The following OSBPL5 variants were observed in gnomAD, a reference collection of about 807,000 sequenced individuals.
OSBPL5 encodes the protein oxysterol binding protein like 5.
OSBPL5 carries 71 observed loss-of-function variants against 111.2 expected under a neutral mutation model. The ratio of observed to expected loss-of-function variants is 0.64; its 90% confidence interval spans 0.53 to 0.78. OSBPL5 has a LOEUF of 0.78. OSBPL5 is among the 30% of genes least tolerant of loss of function. The pLI is 0.00. For missense variants in OSBPL5, 1,210 were observed against 1,189.3 expected (o/e 1.02, Z -0.26); for synonymous variants, 549 against 513.9 (o/e 1.07, Z -0.93).
At position 3,093,785 on chromosome 11, in the gene OSBPL5, C is replaced by G; in HGVS notation, c.1770G>C (p.Thr590=). 9.3e-6 allele frequency: 15 copies of G among 1,613,198 alleles called. No individual in the cohort carries two copies. Among genetic ancestry groups the G allele is most frequent in the Non-Finnish European group, 1.3e-5 (15 of 1,180,008 alleles). The part of the protein sequence containing the change: ...TSINQISGKI[T]SGEEVLASLS... Reference sequence around the variant, plus strand: ...GGCTCGCCAGGACTTCCTCTCCCGACGTGATCTTTCCCGAGATCTGGTTGA... The same window carrying G: ...GGCTCGCCAGGACTTCCTCTCCCGAGGTGATCTTTCCCGAGATCTGGTTGA... Residue 590 remains threonine (T), a synonymous_variant, in exon 16 of 22, where the codon ACG becomes ACC. Transcript: ENST00000263650.
chr11:3,094,776 C>T lies in OSBPL5; in HGVS notation c.1622-442G>A, dbSNP rs183063491. 3.5e-4 allele frequency: 57 copies of T among 161,798 alleles called. No homozygotes were observed. The South Asian group carries it at 5.2e-3, about 15-fold the overall frequency. The allele number at this position is 161,798 out of a possible 1,614,324, so 10.0% of individuals were successfully genotyped here. On this transcript the variant is annotated intron_variant, in intron 14 of 21. Coordinates refer to ENST00000263650, the MANE Select transcript of OSBPL5 (RefSeq NM_020896.4). ...GGGCTCCTGAGGGCAGGCATCTTCT[C>T]GCTCACTGCTGCGTCCCAGGATGGC...
Position 3,101,676 on chromosome 11 carries a change from A to G in OSBPL5, c.1449T>C (p.Ser483=). The G allele has an allele frequency of 6.2e-7, 1 of 1,613,872 alleles. No homozygotes were observed. Among genetic ancestry groups the G allele is most frequent in the Non-Finnish European group, 8.5e-7 (1 of 1,179,974 alleles). The change falls in exon 13 of 22, where the codon TCT becomes TCC. Residue 483 remains serine, a synonymous_variant. Coordinates refer to ENST00000263650, the MANE Select transcript of OSBPL5 (RefSeq NM_020896.4). Reference sequence around the variant, plus strand: ...CCTTCCGGTTGCTGACGTGGAAGGCAGACACGGGCGGGTGGTGGGACACCT... The same window carrying G: ...CCTTCCGGTTGCTGACGTGGAAGGCGGACACGGGCGGGTGGTGGGACACCT... The part of the protein sequence containing the change: ...AEQVSHHPPV[S]AFHVSNRKDG...
chr11:3,133,123 G>A (rs529849030), intron 1 of OSBPL5, among the ~76,000 whole-genome samples: 22 of 152,338 alleles, frequency 1.4e-4, no homozygotes, highest in African/African-American at 2.9e-4. Flanking sequence ...CCCATCCCCC[G>A]GCCATCTGCC....
At chr11:3,097,185 C>T (rs74659257) in intron 14 of OSBPL5, among the ~76,000 whole-genome samples, 19,928 of 141,932 alleles carry the variant, frequency 0.14, 1,501 homozygotes, top group South Asian at 0.25. Flanking sequence ...GGGCATTTGT[C>T]GATCTGAGAT....
chr11:3,091,653 A>G (rs910533531), intron 19 of OSBPL5, among the ~76,000 whole-genome samples: 2 of 152,114 alleles, frequency 1.3e-5, no homozygotes, highest in Non-Finnish European at 2.9e-5. Context: ...TGCTGCAGAC[A>G]TAGGGGGTGC....
intron 6 of OSBPL5, 69 bp downstream of exon 6, chr11:3,120,352 C>T (rs1362032880): frequency 6.5e-7 from 1 of 1,534,464 alleles, no homozygotes; most frequent in Admixed American, 2.0e-5. Flanking sequence ...CCACCCTCCA[C>T]CAGGGCCCTA....
rs1857860142 is a variant in OSBPL5, at chr11:3,110,021, G to A, written c.692-2076C>T. ...GTTATCCACCTCACCCAGGAGCACA[G>A]AGGCTGTGGGCTGCCCTGGCCATCC... On this transcript the variant is annotated intron_variant, in intron 7 of 21. Coordinates refer to ENST00000263650, the MANE Select transcript of OSBPL5 (RefSeq NM_020896.4). This position sits in a 1 kb window ranked among gnomAD's most constrained non-coding sequence, Gnocchi z 5.3. Among the ~76,000 whole-genome samples, 1 of 152,178 alleles carries A rather than the reference G, an allele frequency of 6.6e-6. No individual in the cohort carries two copies. Among genetic ancestry groups the A allele is most frequent in the Admixed American group, 6.5e-5 (1 of 15,282 alleles).
chr11:3,150,596 G>A (rs1846549054), intron 1 of OSBPL5, among the ~76,000 whole-genome samples: 1 of 152,200 alleles, frequency 6.6e-6, no homozygotes, highest in South Asian at 2.1e-4. Context: ...GCGGCCTGTG[G>A]TGTCGTGAGA....
chr11:3,117,585 C>G (rs1858256200), intron 7 of OSBPL5, among the ~76,000 whole-genome samples: 1 of 152,148 alleles, frequency 6.6e-6, no homozygotes, highest in African/African-American at 2.4e-5. Flanking sequence ...AAATGGGAAA[C>G]TGGAGAGAAA....
chr11:3,134,415 A>C (rs1039748201), intron 1 of OSBPL5, among the ~76,000 whole-genome samples: 1 of 152,072 alleles, frequency 6.6e-6, no homozygotes, highest in Non-Finnish European at 1.5e-5. Flanking sequence ...TGTTGGGCAG[A>C]CCTAGTGACT....
intron 1 of OSBPL5, among the ~76,000 whole-genome samples, chr11:3,164,681 T>C (rs1482779225): frequency 6.6e-6 from 1 of 152,180 alleles, no homozygotes; most frequent in Non-Finnish European, 1.5e-5. Flanking sequence ...GGCAGCCCCC[T>C]GACTCTGCGG....
intron 7 of OSBPL5, among the ~76,000 whole-genome samples, chr11:3,117,321 C>T (rs1354431228): frequency 6.6e-6 from 1 of 152,172 alleles, no homozygotes; most frequent in African/African-American, 2.4e-5. Flanking sequence ...CTGACAGGCC[C>T]AGGAGCTCCA....
intron 5 of OSBPL5, 51 bp from the exon 6 acceptor site, chr11:3,120,675 T>A: frequency 6.3e-7 from 1 of 1,590,032 alleles, no homozygotes; most frequent in Non-Finnish European, 8.5e-7. Context: ...CCGCCATCCC[T>A]GGGGCATCTT....
In OSBPL5 at chr11:3,087,984, G is replaced by C. The variant is rs1237605782; in HGVS notation, c.*221C>G. On this transcript the variant is annotated 3_prime_UTR_variant, in exon 22 of 22. Coordinates refer to ENST00000263650, the MANE Select transcript of OSBPL5 (RefSeq NM_020896.4). ...GCATTTGGCTTTAGCATTAAGGCCA[G>C]CGCTGGGCGGAAGGCCCTGCAGAGA... is the stretch of plus-strand genomic sequence containing the variant. The C allele has an allele frequency of 2.3e-6, 1 of 429,290 alleles. No homozygotes were observed. Among genetic ancestry groups the C allele is most frequent in the East Asian group, 3.6e-5 (1 of 27,850 alleles). 26.6% of individuals were successfully genotyped at this position (429,290 alleles called of 1,614,324 possible).
At chr11:3,131,699 T>TATCCATCCATCC (rs796941353) in intron 1 of OSBPL5, among the ~76,000 whole-genome samples, 1,386 of 79,092 alleles carry the variant, frequency 0.018, 17 homozygotes, top group East Asian at 0.033. Flanking sequence ...CCCATTCATC[T>TATCCATCCATCC]ATCCATCCAT....
intron 14 of OSBPL5, chr11:3,094,605 C>T (rs919075864): frequency 1.1e-4 from 48 of 456,222 alleles, no homozygotes; most frequent in African/African-American, 4.2e-4. Context: ...CCTCAGGGGC[C>T]GTCTCCCCCA....
chr11:3,154,660 G>A lies in OSBPL5; in HGVS notation c.-22+10556C>T, dbSNP rs537454233. On this transcript the variant is annotated intron_variant, in intron 1 of 21. Transcript: ENST00000263650. The surrounding 1 kb of genome is among the most constrained non-coding windows in gnomAD (Gnocchi z 4.9). ...CCACTGACGAGACGCCTGGCAGTGC[G>A]GGGGCCCCAGGGTTAGTCTGACTGC... Among the ~76,000 whole-genome samples the A allele has an allele frequency of 3.9e-5, 6 of 152,138 alleles. No homozygotes were observed. Among genetic ancestry groups the A allele is most frequent in the South Asian group, 2.1e-4 (1 of 4,826 alleles).
At chr11:3,147,103 C>A (rs1408671136) in intron 1 of OSBPL5, among the ~76,000 whole-genome samples, 1 of 151,570 alleles carries the variant, frequency 6.6e-6, no homozygotes, top group Non-Finnish European at 1.5e-5. Flanking sequence ...AAGGCAGAAC[C>A]ACAGCCGTGT....
intron 3 of OSBPL5, 26 bp from the exon 4 acceptor site, chr11:3,122,454 G>T (rs377729070): frequency 9.3e-6 from 15 of 1,609,916 alleles, no homozygotes; most frequent in Admixed American, 1.7e-5. Context: ...GGGTATGCGG[G>T]ACAGGGCACA....
Sources: gnomAD v4.1 joint callset for allele counts (sites outside exome capture counted in the v4.1 genomes callset) on GRCh38, gnomAD v4.1.1 for gene constraint, Gnocchi (gnomAD v3.1) non-coding constraint, MANE v1.5 for transcripts, NCBI Gene and HGNC (gene_info 2026-07-23, HGNC 2026-07-21) for gene names.